The following KCNJ3 variants were observed in gnomAD, a reference collection of about 807,000 sequenced individuals.
KCNJ3 encodes the protein G protein-activated inward rectifier potassium channel 1.
KCNJ3 carries 4 observed loss-of-function variants against 39.2 expected under a neutral mutation model. The ratio of observed to expected loss-of-function variants is 0.10; its 90% CI spans 0.05 to 0.23. KCNJ3 has a LOEUF of 0.23. Ranked by LOEUF, KCNJ3 falls within the 10% of genes least tolerant of loss-of-function variation. The probability of loss-of-function intolerance (pLI) is 1.00; values close to 1 mark genes in which losing one functional copy is unlikely to be tolerated. For synonymous variants in KCNJ3, 230 were observed against 237.4 expected, an observed-to-expected ratio of 0.97 and a Z score of 0.29; for missense variants, 276 against 634.9, an observed-to-expected ratio of 0.43 and a Z score of 6.08.
chr2:154,852,265 C>G (rs1237409926), intron 2 of KCNJ3, among the ~76,000 whole-genome samples: 2 of 152,064 alleles, frequency 1.3e-5, no homozygotes, highest in Non-Finnish European at 2.9e-5. Context: ...AACCCTGTCT[C>G]TACAAAGAAA....
intron 1 of KCNJ3, 109 bp from the exon 2 acceptor site, chr2:154,709,494 A>C (rs543539508): frequency 5.0e-5 from 56 of 1,109,088 alleles, no homozygotes; most frequent in Non-Finnish European, 6.2e-5. Context: ...ATTTTGTTGC[A>C]GATGATTGAT....
chr2:154,717,490 G>T (rs1036697485), intron 2 of KCNJ3, among the ~76,000 whole-genome samples: 6 of 152,156 alleles, frequency 3.9e-5, no homozygotes, highest in Non-Finnish European at 7.3e-5. Flanking sequence ...TCATGAAGTT[G>T]TCTGGCTCAG....
intron 2 of KCNJ3, among the ~76,000 whole-genome samples, chr2:154,813,383 A>G (rs1377021451): frequency 6.6e-6 from 1 of 152,152 alleles, no homozygotes; most frequent in African/African-American, 2.4e-5. Flanking sequence ...TGTTTCTCAA[A>G]CAAACATTTT....
intron 2 of KCNJ3, among the ~76,000 whole-genome samples, chr2:154,796,641 G>GTT (rs5835545): frequency 1.4e-3 from 213 of 151,486 alleles, no homozygotes; most frequent in Middle Eastern, 3.4e-3. Flanking sequence ...GTTTTAAAGG[G>GTT]TTTTTTTTGT....
intron 2 of KCNJ3, among the ~76,000 whole-genome samples, chr2:154,828,176 A>G (rs1367752420): frequency 6.6e-6 from 1 of 152,218 alleles, no homozygotes; most frequent in Non-Finnish European, 1.5e-5. Flanking sequence ...ATTATTGTCA[A>G]CATTTAAAAA....
At chr2:154,710,771 A>G (rs1048284997) in intron 2 of KCNJ3, among the ~76,000 whole-genome samples, 3 of 152,194 alleles carry the variant, frequency 2.0e-5, no homozygotes, top group Non-Finnish European at 1.5e-5. Context: ...CTATAGCAAT[A>G]TAGAAATTAG....
intron 2 of KCNJ3, among the ~76,000 whole-genome samples, chr2:154,828,988 C>A (rs1298372690): frequency 1.3e-5 from 2 of 152,134 alleles, no homozygotes; most frequent in African/African-American, 4.8e-5. Context: ...ACTTAATAAA[C>A]ACTTAATAAT....
chr2:154,705,273 A>C (rs1684982855), intron 1 of KCNJ3, among the ~76,000 whole-genome samples: 1 of 152,180 alleles, frequency 6.6e-6, no homozygotes, highest in Non-Finnish European at 1.5e-5. Context: ...ATCCACGAGA[A>C]GGAGGGGGGC....
intron 2 of KCNJ3, among the ~76,000 whole-genome samples, chr2:154,773,073 A>G (rs1022045997): frequency 6.6e-6 from 1 of 152,148 alleles, no homozygotes; most frequent in Non-Finnish European, 1.5e-5. Flanking sequence ...AAAGTAGTGA[A>G]ATAAATTAAG....
At chr2:154,745,654 G>T (rs890722602) in intron 2 of KCNJ3, among the ~76,000 whole-genome samples, 3 of 151,880 alleles carry the variant, frequency 2.0e-5, no homozygotes, top group Non-Finnish European at 4.4e-5. Context: ...TTTTTCCAGA[G>T]AAGTCTCACA....
intron 2 of KCNJ3, among the ~76,000 whole-genome samples, chr2:154,784,859 T>C (rs776215301): frequency 2.0e-5 from 3 of 152,212 alleles, no homozygotes; most frequent in Non-Finnish European, 2.9e-5. Context: ...TGTTTTCAAC[T>C]TGTTAAAGTG....
intron 2 of KCNJ3, among the ~76,000 whole-genome samples, chr2:154,821,260 C>A (rs937075886): frequency 2.0e-5 from 3 of 152,140 alleles, no homozygotes; most frequent in Non-Finnish European, 4.4e-5. Flanking sequence ...GCCCAAATTT[C>A]TCTCTTTGTG....
intron 2 of KCNJ3, among the ~76,000 whole-genome samples, chr2:154,803,834 A>G (rs1686863086): frequency 6.6e-6 from 1 of 152,042 alleles, no homozygotes; most frequent in Non-Finnish European, 1.5e-5. Flanking sequence ...TAAAATGAGT[A>G]ACGCTGATTA....
chr2:154,736,374 T>TAAAAAAAAA (rs70983745), intron 2 of KCNJ3, among the ~76,000 whole-genome samples: 8 of 93,230 alleles, frequency 8.6e-5, no homozygotes, highest in East Asian at 8.3e-4. Context: ...TCACTAGTTC[T>TAAAAAAAAA]AAAAAAAAAA....
chr2:154,705,549 C>T (rs796840916), intron 1 of KCNJ3, among the ~76,000 whole-genome samples: 8 of 152,186 alleles, frequency 5.3e-5, no homozygotes, highest in African/African-American at 1.9e-4. Flanking sequence ...AGGCCTTTGA[C>T]TTGAATTGCT....
intron 2 of KCNJ3, among the ~76,000 whole-genome samples, chr2:154,800,092 C>A (rs367802190): frequency 6.6e-6 from 1 of 152,076 alleles, no homozygotes; most frequent in African/African-American, 2.4e-5. Context: ...CACTAAAGAG[C>A]GTGTTTTCAT....
rs189776510 is a variant in KCNJ3, at chr2:154,778,263, T to C, written c.919+68444T>C. Among the ~76,000 whole-genome samples the C allele has an allele frequency of 1.1e-4, 16 of 152,302 alleles. No homozygotes were observed. In the South Asian group the frequency reaches 2.3e-3, roughly 22 times the overall value. On this transcript the variant is annotated intron_variant, in intron 2 of 2. Transcript: ENST00000295101. ...AAAAAAATTTCTGAAAAAAGTATTA[T>C]GTAATAATTCATTTTGTTCTTTTAT...
chr2:154,811,803 G>A (rs1687011924), intron 2 of KCNJ3, among the ~76,000 whole-genome samples: 1 of 152,162 alleles, frequency 6.6e-6, no homozygotes, highest in African/African-American at 2.4e-5. Context: ...CAAATTGTAG[G>A]TTTGTAGCAG....
At chr2:154,751,578 G>T (rs1345660898) in intron 2 of KCNJ3, among the ~76,000 whole-genome samples, 1 of 151,922 alleles carries the variant, frequency 6.6e-6, no homozygotes, top group African/African-American at 2.4e-5. Flanking sequence ...AAGGCTGAAA[G>T]GTTAAAGCAG....
Sources: gnomAD v4.1 joint callset for allele counts (sites outside exome capture counted in the v4.1 genomes callset) on GRCh38, gnomAD v4.1.1 for gene constraint, MANE v1.5 for transcripts, NCBI Gene and HGNC (gene_info 2026-07-23, HGNC 2026-07-21) for gene names.